The following COL6A6 variants were observed in gnomAD, a reference collection of about 807,000 sequenced individuals.
The protein encoded by COL6A6 is collagen type VI alpha 6 chain.
In COL6A6, 183 loss-of-function variants were observed where a neutral mutation model predicts 208.6. That is an observed-to-expected ratio of 0.88 (90% CI 0.78 to 0.99). The LOEUF is 0.99. Among genes scored for constraint, COL6A6 ranks in the 50% least tolerant of loss-of-function variants. The probability of loss-of-function intolerance (pLI) is 0.00; values close to 1 mark genes in which losing one functional copy is unlikely to be tolerated. For synonymous variants in COL6A6, 973 were observed against 1,011.8 expected (o/e 0.96, Z 0.73); for missense variants, 2,816 against 2,815.2 (o/e 1.00, Z -0.01).
chr3:130,662,868 T>TTA (rs1489656932), intron 35 of COL6A6, among the ~76,000 whole-genome samples: 2 of 152,094 alleles, frequency 1.3e-5, no homozygotes, highest in Non-Finnish European at 2.9e-5. Context: ...ATGCCAGTAA[T>TTA]TAGAGTAACT....
chr3:130,604,530 A>T (rs1477067605), intron 20 of COL6A6, among the ~76,000 whole-genome samples: 1 of 152,054 alleles, frequency 6.6e-6, no homozygotes, highest in Non-Finnish European at 1.5e-5. Flanking sequence ...GTAACCATTA[A>T]CAAAGGTGCT....
intron 36 of COL6A6, 78 bp from the exon 37 acceptor site, chr3:130,675,124 T>C: frequency 1.1e-6 from 1 of 945,862 alleles, no homozygotes; most frequent in Non-Finnish European, 1.5e-6. Flanking sequence ...ACAATTAATT[T>C]ACTATGACAG....
intron 18 of COL6A6, among the ~76,000 whole-genome samples, chr3:130,596,608 C>G (rs1054469580): frequency 6.6e-6 from 1 of 152,104 alleles, no homozygotes; most frequent in African/African-American, 2.4e-5. Flanking sequence ...TTTTGAAACC[C>G]TAAGTTTATT....
intron 1 of COL6A6, among the ~76,000 whole-genome samples, chr3:130,536,634 A>G (rs890892556): frequency 6.6e-6 from 1 of 152,180 alleles, no homozygotes; most frequent in Non-Finnish European, 1.5e-5. Context: ...AAGTAGCAGA[A>G]ACTGTGAAGG....
intron 1 of COL6A6, among the ~76,000 whole-genome samples, chr3:130,543,124 T>TCG (rs2062412204): frequency 6.6e-6 from 1 of 152,148 alleles, no homozygotes; most frequent in African/African-American, 2.4e-5. Flanking sequence ...CAGGATGGTC[T>TCG]CGATGTCCTG....
At chr3:130,517,005 C>A (rs1020384200), upstream of COL6A6, among the ~76,000 whole-genome samples, 9 of 152,182 alleles carry the variant, frequency 5.9e-5, no homozygotes, top group Non-Finnish European at 1.0e-4. Flanking sequence ...AGGGGAGAAG[C>A]CGGTGGAGCA....
chr3:130,542,898 C>T (rs1039481306), intron 1 of COL6A6, among the ~76,000 whole-genome samples: 3 of 92,596 alleles, frequency 3.2e-5, no homozygotes, highest in Non-Finnish European at 4.3e-5. Context: ...TCCATTCACT[C>T]TTTTTTTTTT....
intron 28 of COL6A6, among the ~76,000 whole-genome samples, chr3:130,638,703 GA>G (rs60325365): frequency 0.37 from 55,855 of 152,148 alleles, 13,413 homozygotes; most frequent in African/African-American, 0.66. Context: ...TTTTGGATTG[GA>G]TATTCCAACA....
chr3:130,528,847 T>C (rs1355416506), intron 1 of COL6A6, among the ~76,000 whole-genome samples: 1 of 152,084 alleles, frequency 6.6e-6, no homozygotes, highest in Non-Finnish European at 1.5e-5. Flanking sequence ...TCCCAGCACT[T>C]TGGGAGGCCG....
chr3:130,565,490 T>G lies in COL6A6; in HGVS notation c.1158T>G (p.Tyr386Ter). The G allele has an allele frequency of 6.2e-7, 1 of 1,614,054 alleles. No individual in the cohort carries two copies. Among genetic ancestry groups the G allele is most frequent in the Non-Finnish European group, 8.5e-7 (1 of 1,179,890 alleles). ...EKIASHPAEQ[Y>*]VSKLKTFADL... Reference sequence around the variant, plus strand: ...TAGCATCCCACCCTGCTGAGCAGTATGTCTCCAAACTGAAGACCTTCGCTG... The same window carrying G: ...TAGCATCCCACCCTGCTGAGCAGTAGGTCTCCAAACTGAAGACCTTCGCTG... Residue 386 changes from tyrosine to a stop codon, truncating the protein, a stop_gained, in exon 4 of 37, where the codon TAT (tyrosine) becomes TAG (stop). Coordinates refer to ENST00000358511, the MANE Select transcript of COL6A6 (RefSeq NM_001102608.3). LOFTEE classifies it high-confidence loss of function.
chr3:130,586,750 G>C, intron 11 of COL6A6, 90 bp downstream of exon 11: 2 of 1,296,442 alleles, frequency 1.5e-6, no homozygotes, highest in Admixed American at 2.6e-5. Flanking sequence ...TGAACTTACT[G>C]TGTTTATTTG....
chr3:130,649,697 T>A (rs2065578567), intron 33 of COL6A6, 135 bp downstream of exon 33: 1 of 882,796 alleles, frequency 1.1e-6, no homozygotes, highest in Non-Finnish European at 1.7e-6. Flanking sequence ...CAGAGTAGAA[T>A]AAGTATTTCT....
In COL6A6 at chr3:130,565,103, T is replaced by C. The variant is rs376805905; in HGVS notation, c.771T>C (p.Ser257=). Residue 257 remains serine, a synonymous_variant, in exon 4 of 37, where the codon TCT becomes TCC. Transcript: ENST00000358511. ...YLKGFLEESV[S]ALDIKENCMR... is the part of the protein sequence containing the mutation. ...AAGGATTCTTGGAAGAAAGTGTATC[T>C]GCCCTTGACATAAAGGAAAATTGCA... 3.1e-6 allele frequency: 5 copies of C among 1,614,044 alleles called. No individual in the cohort carries two copies. The African/African-American group carries it at 5.3e-5, about 17-fold the overall frequency.
chr3:130,626,219 CAGTAT>C (rs2064880877), intron 24 of COL6A6, among the ~76,000 whole-genome samples: 1 of 152,206 alleles, frequency 6.6e-6, no homozygotes, highest in Admixed American at 6.5e-5. Flanking sequence ...TTTTTTAAAA[CAGTAT>C]AGAGCTTTTC....
intron 23 of COL6A6, among the ~76,000 whole-genome samples, chr3:130,621,182 T>G (rs1001175479): frequency 2.0e-5 from 3 of 152,224 alleles, no homozygotes; most frequent in African/African-American, 4.8e-5. Flanking sequence ...CTTAAGGCTT[T>G]CTTTCTTTAG....
At chr3:130,525,707 G>A (rs1202416050) in intron 1 of COL6A6, among the ~76,000 whole-genome samples, 1 of 152,132 alleles carries the variant, frequency 6.6e-6, no homozygotes, top group Non-Finnish European at 1.5e-5. Context: ...GTCTCATTCA[G>A]TGCCATGCTC....
intron 29 of COL6A6, among the ~76,000 whole-genome samples, chr3:130,642,103 AG>A (rs776707856): frequency 1.3e-5 from 2 of 151,992 alleles, no homozygotes; most frequent in Admixed American, 1.3e-4. Flanking sequence ...TCAGGAGGTC[AG>A]GGGGGGCTCT....
chr3:130,649,029 T>A (rs1322980136), intron 32 of COL6A6, 40 bp from the exon 33 acceptor site: 96 of 1,389,824 alleles, frequency 6.9e-5, no homozygotes, highest in East Asian at 1.0e-4. Flanking sequence ...TTTTTTTTTT[T>A]AAATAAGGAT....
intron 1 of COL6A6, among the ~76,000 whole-genome samples, chr3:130,559,374 C>T (rs1207617369): frequency 1.3e-5 from 2 of 152,108 alleles, no homozygotes; most frequent in Non-Finnish European, 2.9e-5. Context: ...AGAAGAGAGT[C>T]TCAAGTTGCA....
Sources: gnomAD v4.1 joint callset for allele counts (sites outside exome capture counted in the v4.1 genomes callset) on GRCh38, gnomAD v4.1.1 for gene constraint, MANE v1.5 for transcripts, NCBI Gene and HGNC (gene_info 2026-07-23, HGNC 2026-07-21) for gene names.